Variants in RIC1 observed in about 807,000 individuals in gnomAD.
RIC1 encodes the protein RIC1 partner of RAB6A GEF complex.
In RIC1, 88 loss-of-function variants were observed where a neutral mutation model predicts 169.0. That is an observed-to-expected ratio of 0.52 (90% CI 0.44 to 0.62). The LOEUF is 0.62. Ranked by LOEUF, RIC1 falls within the 20% of genes least tolerant of loss-of-function variation. RIC1 has a pLI of 0.00. For synonymous variants in RIC1, 790 were observed against 601.5 expected (o/e 1.31, Z -4.59); for missense variants, 1,877 against 1,725.5 (o/e 1.09, Z -1.56).
chr9:5,683,127 C>T (rs1180927520), intron 2 of RIC1, among the ~76,000 whole-genome samples: 2 of 152,106 alleles, frequency 1.3e-5, no homozygotes, highest in South Asian at 2.1e-4. Context: ...ATTTGATTTT[C>T]TGAAGCCTTC....
intron 3 of RIC1, among the ~76,000 whole-genome samples, chr9:5,690,782 C>G (rs1185127495): frequency 6.6e-6 from 1 of 151,494 alleles, no homozygotes; most frequent in Non-Finnish European, 1.5e-5. Context: ...GTAAATAGGG[C>G]CAAGTCTTAC....
intron 2 of RIC1, among the ~76,000 whole-genome samples, chr9:5,663,603 G>T (rs1447892440): frequency 1.3e-5 from 2 of 152,080 alleles, no homozygotes; most frequent in East Asian, 3.9e-4. Context: ...TTCATTTAAA[G>T]TCTGTTTTGT....
intron 3 of RIC1, among the ~76,000 whole-genome samples, chr9:5,697,266 C>G (rs1821960631): frequency 6.6e-6 from 1 of 152,198 alleles, no homozygotes; most frequent in African/African-American, 2.4e-5. Context: ...CTTGGTTTCT[C>G]TCACTCTACA....
chr9:5,700,713 C>A (rs1822161214), intron 3 of RIC1, among the ~76,000 whole-genome samples: 1 of 152,034 alleles, frequency 6.6e-6, no homozygotes, highest in African/African-American at 2.4e-5. Context: ...ATTGTGTAAA[C>A]ACCTTCATTC....
intron 2 of RIC1, among the ~76,000 whole-genome samples, chr9:5,670,435 G>T (rs1044921436): frequency 1.3e-5 from 2 of 152,108 alleles, no homozygotes; most frequent in Non-Finnish European, 2.9e-5. Context: ...TCCATAGCTT[G>T]CCTGATGCCT....
At chr9:5,752,409 A>G (rs976930370) in intron 12 of RIC1, among the ~76,000 whole-genome samples, 43 of 151,712 alleles carry the variant, frequency 2.8e-4, no homozygotes, top group Middle Eastern at 3.4e-3. Flanking sequence ...CATTTTGTCA[A>G]TTTTTATATT....
At chr9:5,747,533 G>T in intron 12 of RIC1, 28 bp downstream of exon 12, 1 of 1,565,042 alleles carries the variant, frequency 6.4e-7, no homozygotes, top group Non-Finnish European at 8.8e-7. Flanking sequence ...GATTACTAGA[G>T]ACTTATTCTT....
At chr9:5,644,612 A>G (rs573704980) in intron 1 of RIC1, among the ~76,000 whole-genome samples, 1 of 152,058 alleles carries the variant, frequency 6.6e-6, no homozygotes, top group South Asian at 2.1e-4. Flanking sequence ...GTTGCTGAAT[A>G]TTTTTCCATT....
At chr9:5,754,746 T>A (rs1825904752) in intron 14 of RIC1, 95 bp from the exon 15 acceptor site, 1 of 705,046 alleles carries the variant, frequency 1.4e-6, no homozygotes, top group African/African-American at 1.8e-5. Context: ...AATAATAATT[T>A]GAGCTTTGTC....
chr9:5,753,637 C>T lies in RIC1; in HGVS notation c.1593C>T (p.Asn531=), dbSNP rs774030531. 3 of 1,566,976 alleles carry T rather than the reference C, an allele frequency of 1.9e-6. No homozygotes were observed. The South Asian group carries it at 3.4e-5, about 18-fold the overall frequency. Residue 531 remains asparagine, a synonymous_variant, in exon 14 of 26, where the codon AAC becomes AAT. Transcript: ENST00000414202. ...CCAAAAAATGGAAACTTTTTGGAAA[C>T]ATTACCCAGGTTAGTCTTTTTTGAG... is the stretch of plus-strand genomic sequence containing the variant. ...LLTKKWKLFG[N]ITQEQNMIVT...
chr9:5,684,989 A>G (rs567520423), intron 2 of RIC1, among the ~76,000 whole-genome samples: 1 of 150,624 alleles, frequency 6.6e-6, no homozygotes, highest in African/African-American at 2.4e-5. Context: ...TTAAACCCCA[A>G]CCCTGCATTC....
chr9:5,642,583 G>A (rs1181944983), intron 1 of RIC1, among the ~76,000 whole-genome samples: 1 of 144,590 alleles, frequency 6.9e-6, no homozygotes, highest in Non-Finnish European at 1.5e-5. Flanking sequence ...GTTCTGTTGT[G>A]GCTAAGCAGG....
intron 4 of RIC1, among the ~76,000 whole-genome samples, chr9:5,717,066 T>A (rs1257552728): frequency 6.6e-6 from 1 of 152,236 alleles, no homozygotes; most frequent in African/African-American, 2.4e-5. Flanking sequence ...GTCACAGTTT[T>A]TAAAAAGCCT....
At chr9:5,636,650 T>C (rs1285669569) in intron 1 of RIC1, among the ~76,000 whole-genome samples, 1 of 152,218 alleles carries the variant, frequency 6.6e-6, no homozygotes, top group Non-Finnish European at 1.5e-5. Context: ...TAGATACTCA[T>C]TGTTCTTGTG....
At chr9:5,695,913 CACTT>C (rs1248729839) in intron 3 of RIC1, among the ~76,000 whole-genome samples, 1 of 151,706 alleles carries the variant, frequency 6.6e-6, no homozygotes, top group Non-Finnish European at 1.5e-5. Flanking sequence ...AAACCTCACT[CACTT>C]ACCCCCTGCC....
intron 6 of RIC1, 73 bp downstream of exon 6, chr9:5,720,823 C>T: frequency 7.9e-7 from 1 of 1,261,846 alleles, no homozygotes; most frequent in South Asian, 1.6e-5. Context: ...AAATTCTTCT[C>T]TATTTTCATC....
rs201895838 is a variant in RIC1, at chr9:5,769,251, G to A, written c.3419G>A (p.Arg1140Gln). 66 of 1,613,868 alleles carry A rather than the reference G, an allele frequency of 4.1e-5. No homozygotes were observed. The highest frequency in any genetic ancestry group is 2.9e-4 in the East Asian group (13 of 44,880). ...ISSPFKNGKY[R>Q]TVGEQLLKSQ... The stretch of plus-strand genomic sequence containing the variant: ...TCTCCTTTCAAAAATGGAAAATACC[G>A]AACTGGTAATGTAGACTTCATGTCA... The change falls in exon 22 of 26, where the codon CGA (arginine) becomes CAA (glutamine). Residue 1140 changes from arginine (R) to glutamine (Q), a missense_variant. By Grantham distance (43) the Arg-to-Gln change is conservative (BLOSUM62 1). Coordinates refer to ENST00000414202, the MANE Select transcript of RIC1 (RefSeq NM_020829.4).
intron 12 of RIC1, among the ~76,000 whole-genome samples, 187 bp downstream of exon 12, chr9:5,747,692 C>T (rs1211648436): frequency 3.3e-5 from 5 of 152,210 alleles, no homozygotes; most frequent in Admixed American, 6.5e-5. Flanking sequence ...TTCCACTTGG[C>T]GTAGAGTGTA....
intron 2 of RIC1, among the ~76,000 whole-genome samples, chr9:5,671,966 A>T (rs1020096001): frequency 3.9e-5 from 6 of 152,192 alleles, no homozygotes; most frequent in Admixed American, 6.5e-5. Flanking sequence ...CTGGAAGTGG[A>T]CATTAGCAGG....
Sources: gnomAD v4.1 joint callset for allele counts (sites outside exome capture counted in the v4.1 genomes callset) on GRCh38, gnomAD v4.1.1 for gene constraint, MANE v1.5 for transcripts, NCBI Gene and HGNC (gene_info 2026-07-23, HGNC 2026-07-21) for gene names.